Variants in EMC7 observed in about 807,000 individuals in gnomAD.
The protein encoded by EMC7 is endoplasmic reticulum membrane protein complex subunit 7.
Under a neutral mutation model 24.4 loss-of-function variants are expected in EMC7, and 4 were observed. The observed-to-expected ratio is 0.16, with a 90% CI of 0.08 to 0.38. The LOEUF is 0.38. Among genes scored for constraint, EMC7 ranks in the 10% least tolerant of loss-of-function variants. The pLI is 1.00. For synonymous variants in EMC7, 106 were observed against 112.0 expected (o/e 0.95, Z 0.34); for missense variants, 221 against 300.6 (o/e 0.74, Z 1.96).
intron 1 of EMC7, among the ~76,000 whole-genome samples, 161 bp from the exon 2 acceptor site, chr15:34,096,175 T>C (rs1045121238): frequency 6.6e-6 from 1 of 152,236 alleles, no homozygotes; most frequent in Non-Finnish European, 1.5e-5. Context: ...TCAGTTTCTT[T>C]TCTTTTTTCT....
At position 34,101,709 on chromosome 15, in the gene EMC7, C is replaced by T. The variant is rs1401197210; in HGVS notation, c.131G>A (p.Arg44His). Reference protein sequence around the residue: ...SGGSGVGIGDRFKIEGRAVVP... With the variant: ...SGGSGVGIGDHFKIEGRAVVP... Reference sequence around the variant, plus strand: ...AACTGCACGCCCCTCAATCTTGAAGCGATCTCCTATGCCGACCCCACTCCC... The same window carrying T: ...AACTGCACGCCCCTCAATCTTGAAGTGATCTCCTATGCCGACCCCACTCCC... Residue 44 changes from arginine (R) to histidine (H), a missense_variant, in exon 1 of 5, where the codon CGC becomes CAC. Around this residue, in one of 2 missense-constraint regions of EMC7, gnomAD observed 156 missense variants for 177.1 expected, o/e 0.88. Coordinates refer to ENST00000256545, the MANE Select transcript of EMC7 (RefSeq NM_020154.3). 1.4e-5 allele frequency: 23 copies of T among 1,613,706 alleles called. No individual in the cohort carries two copies. Among genetic ancestry groups the T allele is most frequent in the Non-Finnish European group, 1.8e-5 (21 of 1,179,964 alleles).
At chr15:34,088,549 T>C (rs1436641518) in intron 3 of EMC7, among the ~76,000 whole-genome samples, 1 of 151,636 alleles carries the variant, frequency 6.6e-6, no homozygotes, top group Non-Finnish European at 1.5e-5. Flanking sequence ...CAGGTGACTG[T>C]GGTTCTTGGA....
chr15:34,098,255 C>T (rs1212108356), intron 1 of EMC7, among the ~76,000 whole-genome samples: 1 of 152,144 alleles, frequency 6.6e-6, no homozygotes, highest in East Asian at 1.9e-4. Context: ...TTCCAGTAAC[C>T]TCTACTCTCC....
chr15:34,084,138 T>A lies in EMC7; in HGVS notation c.*196A>T, dbSNP rs575560716. On this transcript the variant is annotated 3_prime_UTR_variant, in exon 5 of 5. Coordinates refer to ENST00000256545, the MANE Select transcript of EMC7 (RefSeq NM_020154.3). ...TTCAGTGACATCAATATTGACCTCA[T>A]ACAGACAAAAGATGAAAGCTGGGTT... The A allele has an allele frequency of 8.5e-6, 5 of 589,544 alleles. No individual in the cohort carries two copies. The allele number at this position is 589,544 out of a possible 1,614,324, so 36.5% of individuals were successfully genotyped here.
chr15:34,099,077 T>A (rs1901134319), intron 1 of EMC7, among the ~76,000 whole-genome samples: 1 of 149,982 alleles, frequency 6.7e-6, no homozygotes, highest in African/African-American at 2.4e-5. Context: ...TAAGGCATGA[T>A]TATTTTGTTG....
rs199721583 is a variant in EMC7, at chr15:34,101,829, G to A, written c.11C>T (p.Ala4Val). 1.7e-5 allele frequency: 27 copies of A among 1,604,610 alleles called. No homozygotes were observed. In the Admixed American group the frequency reaches 3.9e-4, roughly 23 times the overall value. ...CAGGACGGGAAAGAAGCCCCACAGA[G>A]CGGCCGCCATGACAGCAGCTCTGCA... The part of the protein sequence containing the change: MAA[A>V]LWGFFPVLLL... The change falls in exon 1 of 5, where the codon GCT becomes GTT. Residue 4 changes from alanine to valine, a missense_variant. Around this residue, in one of 2 missense-constraint regions of EMC7, gnomAD observed 156 missense variants for 177.1 expected, o/e 0.88. Transcript: ENST00000256545.
Position 34,090,388 on chromosome 15 carries a change from A to T in EMC7, c.424T>A (p.Ser142Thr). 1.9e-6 allele frequency: 3 copies of T among 1,614,064 alleles called. No homozygotes were observed. The highest frequency in any genetic ancestry group is 1.7e-4 in the Middle Eastern group (1 of 6,060). ...VRLPYPLQMK[S>T]SGPPSYFIKR... ...ATAAAGTAAGAAGGTGGACCTGAAG[A>T]TTTCATTTGGAGAGGATAGGGCAGT... Residue 142 changes from serine to threonine, a missense_variant, in exon 3 of 5, where the codon TCT becomes ACT. Ser to Thr is a moderately conservative substitution (Grantham distance 58). Around this residue, in one of 2 missense-constraint regions of EMC7, gnomAD observed 156 missense variants for 177.1 expected, o/e 0.88. Transcript: ENST00000256545.
chr15:34,092,100 A>G (rs917014064), intron 2 of EMC7, among the ~76,000 whole-genome samples: 2 of 151,990 alleles, frequency 1.3e-5, no homozygotes, highest in Non-Finnish European at 2.9e-5. Flanking sequence ...ACCTGTCTCC[A>G]CTAAAAATAC....
At chr15:34,099,589 T>C (rs139878542) in intron 1 of EMC7, among the ~76,000 whole-genome samples, 212 of 152,302 alleles carry the variant, frequency 1.4e-3, no homozygotes, top group African/African-American at 4.7e-3. Context: ...AAACTCCTCA[T>C]ATTAATTCTC....
chr15:34,094,337 C>T (rs1901029097), intron 2 of EMC7, among the ~76,000 whole-genome samples: 1 of 152,022 alleles, frequency 6.6e-6, no homozygotes, highest in Non-Finnish European at 1.5e-5. Flanking sequence ...AGTTCGAGAC[C>T]AGCCTGGCCA....
chr15:34,085,092 T>C (rs1168066716), intron 4 of EMC7, among the ~76,000 whole-genome samples: 1 of 152,222 alleles, frequency 6.6e-6, no homozygotes, highest in Non-Finnish European at 1.5e-5. Flanking sequence ...TAGATGCATA[T>C]AACCAGAATA....
intron 4 of EMC7, 60 bp downstream of exon 4, chr15:34,087,993 G>A (rs535148818): frequency 2.3e-4 from 328 of 1,443,976 alleles, no homozygotes; most frequent in Non-Finnish European, 3.0e-4. Flanking sequence ...ATTCCAGCTT[G>A]AGCAACAGAG....
chr15:34,092,969 A>T (rs74007694), intron 2 of EMC7, among the ~76,000 whole-genome samples: 3,776 of 152,328 alleles, frequency 0.025, 159 homozygotes, highest in African/African-American at 0.084. Context: ...GAATACTTAC[A>T]TTAGCCAACA....
At position 34,101,762 on chromosome 15, in the gene EMC7, C is replaced by A; in HGVS notation, c.78G>T (p.Val26=). 1 of 1,613,704 alleles carries A rather than the reference C, an allele frequency of 6.2e-7. No homozygotes were observed. The highest frequency in any genetic ancestry group is 8.5e-7 in the Non-Finnish European group (1 of 1,180,000). Residue 26 remains valine, a synonymous_variant, in exon 1 of 5, where the codon GTG becomes GTT. Transcript: ENST00000256545. The part of the protein sequence containing the change: ...LLSGDVQSSE[V]PGAAAEGSGG... Reference sequence around the variant, plus strand: ...CCGATCCCTCAGCAGCAGCCCCGGGCACCTCCGAGCTCTGGACATCCCCCG... The same window carrying A: ...CCGATCCCTCAGCAGCAGCCCCGGGAACCTCCGAGCTCTGGACATCCCCCG...
At chr15:34,088,468 C>CT (rs11423386) in intron 3 of EMC7, among the ~76,000 whole-genome samples, 110,674 of 142,068 alleles carry the variant, frequency 0.78, 44,644 homozygotes, top group Non-Finnish European at 0.89. Flanking sequence ...TATCTATTCC[C>CT]TTTTTTTTTT....
chr15:34,101,339 G>A (rs2140873434), intron 1 of EMC7, among the ~76,000 whole-genome samples: 1 of 152,240 alleles, frequency 6.6e-6, no homozygotes, highest in East Asian at 1.9e-4. Flanking sequence ...CCCCACATGG[G>A]GCCAAAATAA....
chr15:34,091,448 G>C (rs9972453), intron 2 of EMC7, among the ~76,000 whole-genome samples: 32 of 152,122 alleles, frequency 2.1e-4, no homozygotes, highest in African/African-American at 7.7e-4. Context: ...TTATGCATTT[G>C]TTACTGCCAG....
chr15:34,090,198 A>T, intron 3 of EMC7, 119 bp downstream of exon 3: 1 of 1,019,574 alleles, frequency 9.8e-7, no homozygotes, highest in Non-Finnish European at 1.4e-6. Context: ...AATTATTCAC[A>T]ATTATCCTTT....
At chr15:34,086,133 C>A in intron 4 of EMC7, 1 of 386,912 alleles carries the variant, frequency 2.6e-6, no homozygotes, top group South Asian at 2.2e-5. Flanking sequence ...TTTGCTGCTC[C>A]CATAACCAAT....
Sources: allele counts gnomAD v4.1 joint callset (sites outside exome capture counted in the v4.1 genomes callset), GRCh38; gene constraint gnomAD v4.1.1; regional missense constraint gnomAD v4.1.1; transcripts MANE v1.5; gene names NCBI Gene and HGNC (gene_info 2026-07-23, HGNC 2026-07-21).